Variants in TMPRSS11E observed in about 807,000 individuals in gnomAD.
The protein encoded by TMPRSS11E is transmembrane protease serine 11E.
TMPRSS11E carries 38 observed loss-of-function variants against 48.1 expected under a neutral mutation model. The ratio of observed to expected loss-of-function variants is 0.79; its 90% CI spans 0.61 to 1.04. The LOEUF (loss-of-function observed/expected upper bound fraction) is 1.04, where lower values mean the gene tolerates loss of function less well. TMPRSS11E is among the 50% of genes least tolerant of loss of function. TMPRSS11E has a pLI of 0.00. For missense variants in TMPRSS11E, 530 were observed against 510.8 expected, an observed-to-expected ratio of 1.04 and a Z score of -0.36; for synonymous variants, 158 against 171.9, an observed-to-expected ratio of 0.92 and a Z score of 0.63.
At chr4:68,496,585 G>A (rs1267063616) in intron 9 of TMPRSS11E, 58 bp from the exon 10 acceptor site, 19 of 1,494,434 alleles carry the variant, frequency 1.3e-5, no homozygotes, top group Non-Finnish European at 1.4e-5. Flanking sequence ...TAGAAAAATA[G>A]CCAATTCCTC....
intron 9 of TMPRSS11E, among the ~76,000 whole-genome samples, chr4:68,481,279 T>C (rs1199221422): frequency 6.6e-6 from 1 of 152,244 alleles, no homozygotes; most frequent in Non-Finnish European, 1.5e-5. Context: ...CATGTGTCTT[T>C]ATGGCAGAAC....
At chr4:68,494,011 C>T (rs1374228899) in intron 9 of TMPRSS11E, among the ~76,000 whole-genome samples, 19 of 152,134 alleles carry the variant, frequency 1.2e-4, no homozygotes, top group Admixed American at 1.2e-3. Flanking sequence ...CTTTCCTCCT[C>T]CTCCATCTAC....
intron 9 of TMPRSS11E, among the ~76,000 whole-genome samples, chr4:68,488,695 T>C (rs1010703411): frequency 1.5e-5 from 2 of 132,820 alleles, no homozygotes; most frequent in African/African-American, 5.3e-5. Flanking sequence ...CCCGCCACCA[T>C]GCCCGGCTAA....
At chr4:68,477,204 A>G (rs1483808597) in intron 7 of TMPRSS11E, among the ~76,000 whole-genome samples, 165 bp from the exon 8 acceptor site, 1 of 152,074 alleles carries the variant, frequency 6.6e-6, no homozygotes, top group Non-Finnish European at 1.5e-5. Flanking sequence ...TGGCTTTTTC[A>G]CCTGGTCAGA....
chr4:68,475,543 C>T (rs1358191807), intron 6 of TMPRSS11E, among the ~76,000 whole-genome samples: 1 of 152,154 alleles, frequency 6.6e-6, no homozygotes, highest in Non-Finnish European at 1.5e-5. Flanking sequence ...TGGGAACCTA[C>T]CATGTGCTAG....
intron 9 of TMPRSS11E, among the ~76,000 whole-genome samples, chr4:68,484,249 T>C (rs1290332106): frequency 6.6e-6 from 1 of 152,208 alleles, no homozygotes; most frequent in East Asian, 1.9e-4. Context: ...TTAACAATAC[T>C]GATTCTTTCT....
intron 2 of TMPRSS11E, among the ~76,000 whole-genome samples, chr4:68,463,150 G>A (rs963302838): frequency 1.3e-5 from 2 of 152,108 alleles, no homozygotes; most frequent in Non-Finnish European, 1.5e-5. Context: ...TACTATCCAC[G>A]CAAGTATAAT....
intron 9 of TMPRSS11E, among the ~76,000 whole-genome samples, chr4:68,479,416 C>T (rs1454061225): frequency 6.6e-6 from 1 of 151,186 alleles, no homozygotes; most frequent in Non-Finnish European, 1.5e-5. Flanking sequence ...TTTGGATCAT[C>T]TATTGGTATT....
chr4:68,482,404 A>G (rs1052396909), intron 9 of TMPRSS11E, among the ~76,000 whole-genome samples: 1 of 151,942 alleles, frequency 6.6e-6, no homozygotes, highest in African/African-American at 2.4e-5. Context: ...TGCAAAATAT[A>G]ATTATGCCTT....
At chr4:68,495,015 T>C (rs572318880) in intron 9 of TMPRSS11E, among the ~76,000 whole-genome samples, 1 of 152,264 alleles carries the variant, frequency 6.6e-6, no homozygotes, top group Non-Finnish European at 1.5e-5. Flanking sequence ...TGAAAGGGTT[T>C]TCCTTTTCTT....
At chr4:68,453,703 A>G (rs34311712) in intron 1 of TMPRSS11E, among the ~76,000 whole-genome samples, 37,409 of 151,848 alleles carry the variant, frequency 0.25, 5,449 homozygotes, top group Admixed American at 0.32. Context: ...TTATAATAGT[A>G]TCGGATTTAG....
At chr4:68,478,781 G>T (rs938635021) in intron 8 of TMPRSS11E, 68 bp from the exon 9 acceptor site, 2 of 1,557,862 alleles carry the variant, frequency 1.3e-6, no homozygotes, top group African/African-American at 2.7e-5. Context: ...TCCTAATCAT[G>T]AAACATTTTC....
At chr4:68,482,070 C>T (rs1235805068) in intron 9 of TMPRSS11E, among the ~76,000 whole-genome samples, 2 of 152,116 alleles carry the variant, frequency 1.3e-5, no homozygotes, top group Non-Finnish European at 2.9e-5. Flanking sequence ...GGCATCTGCT[C>T]GGTTTCTAGG....
intron 1 of TMPRSS11E, among the ~76,000 whole-genome samples, chr4:68,454,308 G>A (rs143081347): frequency 3.8e-4 from 58 of 151,834 alleles, no homozygotes; most frequent in South Asian, 6.2e-4. Context: ...GTAACTAAAA[G>A]TATTTGTTCT....
At chr4:68,466,534 C>A in intron 2 of TMPRSS11E, 97 bp from the exon 3 acceptor site, 1 of 1,321,942 alleles carries the variant, frequency 7.6e-7, no homozygotes, top group Non-Finnish European at 1.1e-6. Flanking sequence ...GCATTCCTTC[C>A]TGTTTCAGTC....
Position 68,466,689 on chromosome 4 carries a change from T to G in TMPRSS11E, c.195T>G (p.Tyr65Ter). ...STLSFTTDKL[Y>*]AEFGREASNN... is the part of the protein sequence containing the mutation. ...TGTCATTTACAACTGACAAACTATA[T>G]GCTGAGTTTGGCAGAGAGGCTTCTA... Residue 65 changes from tyrosine (Y) to a stop codon, truncating the protein, a stop_gained, in exon 3 of 10, where the codon TAT (tyrosine) becomes TAG (stop). Transcript: ENST00000305363. LOFTEE classifies it high-confidence loss of function. The G allele has an allele frequency of 3.7e-6, 6 of 1,613,608 alleles. No homozygotes were observed. The highest frequency in any genetic ancestry group is 5.1e-6 in the Non-Finnish European group (6 of 1,179,572).
At chr4:68,476,182 A>C in intron 6 of TMPRSS11E, 79 bp from the exon 7 acceptor site, 1 of 1,574,406 alleles carries the variant, frequency 6.4e-7, no homozygotes, top group Non-Finnish European at 8.7e-7. Flanking sequence ...GAAATATGGG[A>C]CATAGTAACA....
intron 1 of TMPRSS11E, among the ~76,000 whole-genome samples, chr4:68,460,596 A>T (rs1728761804): frequency 6.6e-6 from 1 of 152,196 alleles, no homozygotes. Context: ...CTCATGTAGC[A>T]GACAGTTAGC....
intron 1 of TMPRSS11E, 123 bp from the exon 2 acceptor site, chr4:68,461,698 A>G: frequency 5.4e-6 from 8 of 1,475,886 alleles, no homozygotes; most frequent in Non-Finnish European, 6.5e-6. Context: ...GGTGTGCTCT[A>G]AACCCAGACA....
Sources: gnomAD v4.1 joint callset for allele counts (sites outside exome capture counted in the v4.1 genomes callset) on GRCh38, gnomAD v4.1.1 for gene constraint, MANE v1.5 for transcripts, NCBI Gene and HGNC (gene_info 2026-07-23, HGNC 2026-07-21) for gene names.